Variants in KRT5 observed in about 807,000 individuals in gnomAD.
KRT5 encodes the protein keratin 5.
A neutral mutation model predicts 44.0 loss-of-function variants in KRT5; 17 were observed. That is an observed-to-expected ratio of 0.39 (90% CI 0.26 to 0.58). The LOEUF (loss-of-function observed/expected upper bound fraction) is 0.58. Ranked by LOEUF, KRT5 falls within the 20% of genes least tolerant of loss-of-function variation. The probability of loss-of-function intolerance (pLI) is 0.61; values close to 1 mark genes in which losing one functional copy is unlikely to be tolerated. For missense variants in KRT5, 737 were observed against 785.5 expected, an observed-to-expected ratio of 0.94 and a Z score of 0.74; for synonymous variants, 329 against 312.8, an observed-to-expected ratio of 1.05 and a Z score of -0.55.
At chr12:52,516,462 C>G (rs373798653) in intron 7 of KRT5, 175 bp downstream of exon 7, 1 of 695,224 alleles carries the variant, frequency 1.4e-6, no homozygotes, top group African/African-American at 1.8e-5. Flanking sequence ...GAAAAGAGAC[C>G]AGAAAAGTGA....
At position 52,520,328 on chromosome 12, in the gene KRT5, A is replaced by G. The variant is rs1163781850; in HGVS notation, c.-32T>C. 1.9e-6 allele frequency: 3 copies of G among 1,605,912 alleles called. No individual in the cohort carries two copies. ...TTGTTCCTGGTGGAGCAAGAGAACCAGGCACTAGTGGGTTGGGAGGTGCTG... is the reference window on the plus strand; with the variant it reads ...TTGTTCCTGGTGGAGCAAGAGAACCGGGCACTAGTGGGTTGGGAGGTGCTG... On this transcript the variant is annotated 5_prime_UTR_variant, in exon 1 of 9. Coordinates refer to ENST00000252242, the MANE Select transcript of KRT5 (RefSeq NM_000424.4).
rs780670406 is a variant in KRT5 at position 52,520,048 on chromosome 12, G to A, written c.249C>T (p.Phe83=). Residue 83 remains phenylalanine (F), a synonymous_variant, in exon 1 of 9, where the codon TTC becomes TTT. Coordinates refer to ENST00000252242, the MANE Select transcript of KRT5 (RefSeq NM_000424.4). Reference sequence around the variant, plus strand: ...CAGCACCAGCACCAAACCGGTTCCTGAAGCTGCCACCACTAGTGCTGATGG... The same window carrying A: ...CAGCACCAGCACCAAACCGGTTCCTAAAGCTGCCACCACTAGTGCTGATGG... ...RISISTSGGS[F]RNRFGAGAGG... The A allele has an allele frequency of 2.7e-5, 44 of 1,613,954 alleles. No individual in the cohort carries two copies. The highest frequency in any genetic ancestry group is 3.7e-5 in the Non-Finnish European group (44 of 1,180,016).
At chr12:52,516,299 C>G (rs1304388366) in intron 7 of KRT5, 2 of 407,594 alleles carry the variant, frequency 4.9e-6, no homozygotes, top group African/African-American at 4.1e-5. Flanking sequence ...GGAAGGGGTA[C>G]TGGAGGACAA....
At position 52,520,016 on chromosome 12, in the gene KRT5, C is replaced by T. The variant is rs778696476; in HGVS notation, c.281G>A (p.Gly94Asp). 21 of 1,613,968 alleles carry T rather than the reference C, an allele frequency of 1.3e-5. No homozygotes were observed. The highest frequency in any genetic ancestry group is 1.8e-5 in the Non-Finnish European group (21 of 1,180,014). The change falls in exon 1 of 9, where the codon GGC (glycine) becomes GAC (aspartate). Residue 94 changes from glycine (G) to aspartate (D), a missense_variant. By Grantham distance (94) the Gly-to-Asp change is moderately conservative. Coordinates refer to ENST00000252242, the MANE Select transcript of KRT5 (RefSeq NM_000424.4). Reference sequence around the variant, plus strand: ...ACCGGCACCACCTCCAAAGCCATAGCCGCCTCCAGCACCAGCACCAAACCG... The same window carrying T: ...ACCGGCACCACCTCCAAAGCCATAGTCGCCTCCAGCACCAGCACCAAACCG... ...RNRFGAGAGG[G>D]YGFGGGAGSG...
At position 52,519,007 on chromosome 12, in the gene KRT5, G is replaced by A. The variant is rs537370039; in HGVS notation, c.709C>T (p.Arg237Trp). The change falls in exon 2 of 9, where the codon CGG (arginine) becomes TGG (tryptophan). Residue 237 changes from arginine to tryptophan, a missense_variant. Physicochemically the swap from Arg to Trp is moderately radical, Grantham distance 101 (BLOSUM62 -3). Around this residue, in one of 5 missense-constraint regions of KRT5, gnomAD observed 326 missense variants for 333.1 expected, o/e 0.98. Coordinates refer to ENST00000252242, the MANE Select transcript of KRT5 (RefSeq NM_000424.4). ...CTCAGCTCTGAGTCCAGGCGGCCCC[G>A]TTCCCCCACGATGCTGTCCAGCTGC... is the stretch of plus-strand genomic sequence containing the variant. Reference protein sequence around the residue: ...RRQLDSIVGERGRLDSELRNM... With the variant: ...RRQLDSIVGEWGRLDSELRNM... 1.2e-5 allele frequency: 19 copies of A among 1,614,112 alleles called. No individual in the cohort carries two copies. Among genetic ancestry groups the A allele is most frequent in the East Asian group, 6.7e-5 (3 of 44,882 alleles).
Position 52,515,813 on chromosome 12 carries a change from C to G in KRT5, c.1459G>C (p.Gly487Arg). The G allele has an allele frequency of 6.2e-7, 1 of 1,613,182 alleles. No individual in the cohort carries two copies. Among genetic ancestry groups the G allele is most frequent in the East Asian group, 2.2e-5 (1 of 44,872 alleles). ...AGCTACTTACAGATGTTGACTGGTC[C>G]AACTCCTTCTCCACTGAGTCTGAAA... ...EECRLSGEGVGPVNISVVTSS... is the reference protein window; with the variant it reads ...EECRLSGEGVRPVNISVVTSS... The change falls in exon 8 of 9, where the codon GGA (glycine) becomes CGA (arginine). Residue 487 changes from glycine (G) to arginine (R), a missense_variant. Physicochemically the swap from Gly to Arg is moderately radical, Grantham distance 125. Transcript: ENST00000252242.
chr12:52,519,297 G>A, intron 1 of KRT5, 137 bp from the exon 2 acceptor site: 2 of 1,359,338 alleles, frequency 1.5e-6, no homozygotes, highest in East Asian at 2.5e-5. Flanking sequence ...CCCCAGGAGG[G>A]GAGGTGCAGA....
chr12:52,516,300 T>C, intron 7 of KRT5: 2 of 408,738 alleles, frequency 4.9e-6, no homozygotes, highest in South Asian at 4.5e-5. Context: ...GAAGGGGTAC[T>C]GGAGGACAAG....
In KRT5 at chr12:52,515,842, G is replaced by C; in HGVS notation, c.1440-10C>G. 1 of 1,611,940 alleles carries C rather than the reference G, an allele frequency of 6.2e-7. No homozygotes were observed. The highest frequency in any genetic ancestry group is 8.5e-7 in the Non-Finnish European group (1 of 1,178,026). The stretch of plus-strand genomic sequence containing the variant: ...TCCTTCTCCACTGAGTCTGAAAGGG[G>C]AAAAATTGAATTAAGGGTTAACAGC... On this transcript the variant is annotated splice_polypyrimidine_tract_variant and intron_variant, in intron 7 of 8. Coordinates refer to ENST00000252242, the MANE Select transcript of KRT5 (RefSeq NM_000424.4).
chr12:52,517,353 C>T, intron 5 of KRT5, 121 bp from the exon 6 acceptor site: 3 of 1,287,724 alleles, frequency 2.3e-6, no homozygotes, highest in Non-Finnish European at 3.3e-6. Context: ...TCAGGCTTTT[C>T]CAAGGCTGAG....
At chr12:52,519,644 A>T (rs1483282300) in intron 1 of KRT5, 98 bp downstream of exon 1, 1 of 1,252,068 alleles carries the variant, frequency 8.0e-7, no homozygotes, top group African/African-American at 1.5e-5. Flanking sequence ...GTACAACTAT[A>T]AAAGTATTTG....
chr12:52,518,109 C>T lies in KRT5; in HGVS notation c.825G>A (p.Leu275=). 6.2e-7 allele frequency: 1 copy of T among 1,614,234 alleles called. No homozygotes were observed. Among genetic ancestry groups the T allele is most frequent in the South Asian group, 1.1e-5 (1 of 91,088 alleles). The change falls in exon 3 of 9, where the codon CTG becomes CTA. Residue 275 remains leucine (L), a synonymous_variant. Transcript: ENST00000252242. The part of the protein sequence containing the change: ...RTTAENEFVM[L]KKDVDAAYMN... ...CTCTCCCACCCACACGCACCTTCTT[C>T]AGCATCACAAACTCATTCTCAGCAG...
Position 52,517,939 on chromosome 12 carries a change from T to C in KRT5, c.885A>G (p.Ala295=), listed in dbSNP as rs1381859373. Reference sequence around the variant, plus strand: ...TCATGAAGTTAATCTCATCCATCAGTGCATCAACCTTGGCCTCCAGCTCCA... The same window carrying C: ...TCATGAAGTTAATCTCATCCATCAGCGCATCAACCTTGGCCTCCAGCTCCA... ...NKVELEAKVD[A]LMDEINFMKM... Residue 295 remains alanine, a synonymous_variant, in exon 4 of 9, where the codon GCA becomes GCG. Transcript: ENST00000252242. 2.5e-6 allele frequency: 4 copies of C among 1,614,252 alleles called. No homozygotes were observed. The highest frequency in any genetic ancestry group is 3.4e-6 in the Non-Finnish European group (4 of 1,180,038).
At chr12:52,516,514 G>T in intron 7 of KRT5, 123 bp downstream of exon 7, 1 of 993,222 alleles carries the variant, frequency 1.0e-6, no homozygotes, top group Non-Finnish European at 1.6e-6. Context: ...CTGAAATAGT[G>T]TTGATGATGT....
intron 7 of KRT5, chr12:52,516,112 G>A (rs12228533): frequency 3.1e-5 from 17 of 551,714 alleles, no homozygotes; most frequent in East Asian, 6.0e-5. Context: ...TGATTATGTC[G>A]AAAGCAGTTT....
At chr12:52,517,070 C>T (rs777742041) in intron 6 of KRT5, 37 bp downstream of exon 6, 3 of 1,613,436 alleles carry the variant, frequency 1.9e-6, no homozygotes, top group South Asian at 1.1e-5. Flanking sequence ...TTTTAGAACT[C>T]AGGCCCCTTC....
chr12:52,516,296 G>A (rs537878340), intron 7 of KRT5: 4 of 406,912 alleles, frequency 9.8e-6, no homozygotes, highest in South Asian at 6.7e-5. Flanking sequence ...GAAGGAAGGG[G>A]TACTGGAGGA....
At position 52,518,148 on chromosome 12, in the gene KRT5, G is replaced by T. The variant is rs1211587544; in HGVS notation, c.786C>A (p.Ile262=). ...EDFKNKYEDE[I]NKRTTAENEF... ...CATTCTCAGCAGTGGTACGCTTGTT[G>T]ATTTCATCCTCATACCTGGTGGTGA... Residue 262 remains isoleucine (I), a synonymous_variant, in exon 3 of 9, where the codon ATC becomes ATA. Transcript: ENST00000252242. 1.2e-6 allele frequency: 2 copies of T among 1,614,090 alleles called. No individual in the cohort carries two copies. Among genetic ancestry groups the T allele is most frequent in the African/African-American group, 2.7e-5 (2 of 74,932 alleles).
intron 4 of KRT5, 35 bp downstream of exon 4, chr12:52,517,861 AC>A (rs771180057): frequency 6.2e-7 from 1 of 1,611,226 alleles, no homozygotes; most frequent in South Asian, 1.1e-5. Context: ...AGGAAAAAAA[AC>A]CCACCCATGT....
Sources: allele counts gnomAD v4.1 joint callset, GRCh38; gene constraint gnomAD v4.1.1; regional missense constraint gnomAD v4.1.1; transcripts MANE v1.5; gene names NCBI Gene and HGNC (gene_info 2026-07-23, HGNC 2026-07-21).